BTBD9: variants seen among roughly 807,000 people sequenced by gnomAD.
BTBD9 encodes the protein BTB/POZ domain-containing protein 9.
In BTBD9, 49 loss-of-function variants were observed where a neutral mutation model predicts 64.3. That is an observed-to-expected ratio of 0.76 (90% CI 0.61 to 0.97). The LOEUF (loss-of-function observed/expected upper bound fraction) is 0.97, where lower values mean the gene tolerates loss of function less well. Ranked by LOEUF, BTBD9 falls within the 50% of genes least tolerant of loss-of-function variation. The pLI, the probability that BTBD9 is intolerant of heterozygous loss-of-function variation, is 0.00. For synonymous variants in BTBD9, 260 were observed against 274.7 expected, an observed-to-expected ratio of 0.95 and a Z score of 0.53; for missense variants, 598 against 762.1, an observed-to-expected ratio of 0.78 and a Z score of 2.53.
intron 6 of BTBD9, among the ~76,000 whole-genome samples, chr6:38,443,488 T>A (rs888728047): frequency 6.6e-6 from 1 of 152,188 alleles, no homozygotes; most frequent in Non-Finnish European, 1.5e-5. Flanking sequence ...TATTTCCCAA[T>A]TTCCCACTAT....
At chr6:38,402,886 AG>A in intron 6 of BTBD9, 1 of 698,402 alleles carries the variant, frequency 1.4e-6, no homozygotes. Flanking sequence ...TGGGCACCAT[AG>A]TGAGACTCCA....
chr6:38,519,919 A>G (rs1023006634), intron 6 of BTBD9, among the ~76,000 whole-genome samples: 26 of 152,230 alleles, frequency 1.7e-4, no homozygotes, highest in African/African-American at 6.3e-4. Context: ...TTGCAGACAA[A>G]GAAAGATAAC....
Position 38,238,470 on chromosome 6 carries a change from G to GTTTTTTTTTT in BTBD9, c.1562+17938_1562+17939insAAAAAAAAAA, listed in dbSNP as rs34641170. 5.5e-5 allele frequency among the ~76,000 whole-genome samples: 7 copies of GTTTTTTTTTT among 127,988 alleles called. 2 individuals are homozygous for GTTTTTTTTTT. The highest frequency in any genetic ancestry group is 1.2e-4 in the African/African-American group (4 of 32,378). 84.0% of individuals were successfully genotyped at this position (127,988 alleles called of 152,430 possible). A position where few individuals can be genotyped will look rare whatever the true frequency, so the allele number is the denominator to read the frequency against. On this transcript the variant is annotated intron_variant, in intron 9 of 10. Transcript: ENST00000481247. ...ACAGTAAGCTGTTGCGGAGACCAAGGTTTTTTGTTTTTTTTTTTTTGAGAC... is the reference window on the plus strand; with the variant it reads ...ACAGTAAGCTGTTGCGGAGACCAAGGTTTTTTTTTTTTTTTTGTTTTTTTTTTTTTGAGAC...
intron 9 of BTBD9, among the ~76,000 whole-genome samples, 166 bp downstream of exon 9, chr6:38,256,243 A>G (rs546074673): frequency 1.9e-4 from 29 of 152,342 alleles, no homozygotes; most frequent in African/African-American, 6.5e-4. Context: ...TAAATTTCAT[A>G]TAAGTATTTA....
intron 7 of BTBD9, among the ~76,000 whole-genome samples, chr6:38,300,775 T>C (rs1209463115): frequency 5.9e-5 from 9 of 152,174 alleles, no homozygotes; most frequent in Non-Finnish European, 1.3e-4. Flanking sequence ...ACAATGGGGT[T>C]TTCTAGATAT....
intron 6 of BTBD9, among the ~76,000 whole-genome samples, chr6:38,522,609 T>C (rs1773320794): frequency 6.6e-6 from 1 of 152,194 alleles, no homozygotes; most frequent in African/African-American, 2.4e-5. Flanking sequence ...ATTGCCTCTC[T>C]TGGAGATCTT....
At chr6:38,252,572 T>C (rs972161981) in intron 9 of BTBD9, among the ~76,000 whole-genome samples, 2 of 152,214 alleles carry the variant, frequency 1.3e-5, no homozygotes, top group Non-Finnish European at 2.9e-5. Context: ...ATTTATTAAT[T>C]TGTAAAACAA....
rs556549372 is a variant in BTBD9, at chr6:38,369,971, T to C, written c.1155-24878A>G. On this transcript the variant is annotated intron_variant, in intron 6 of 10. Transcript: ENST00000481247. Reference sequence around the variant, plus strand: ...TGACAGAGAGGAGACTACACAGGCCTGGAAGGACAACAAAAATAACATCAG... The same window carrying C: ...TGACAGAGAGGAGACTACACAGGCCCGGAAGGACAACAAAAATAACATCAG... Among the ~76,000 whole-genome samples, 9 of 152,354 alleles carry C rather than the reference T, an allele frequency of 5.9e-5. No homozygotes were observed. The South Asian group carries it at 1.9e-3, about 32-fold the overall frequency.
At chr6:38,389,839 C>G (rs1279603989) in intron 6 of BTBD9, among the ~76,000 whole-genome samples, 1 of 152,176 alleles carries the variant, frequency 6.6e-6, no homozygotes, top group Non-Finnish European at 1.5e-5. Flanking sequence ...CTTCTGGTGT[C>G]TTAAGCTTTA....
At chr6:38,530,735 A>G (rs1355178493) in intron 6 of BTBD9, among the ~76,000 whole-genome samples, 2 of 151,836 alleles carry the variant, frequency 1.3e-5, no homozygotes, top group Non-Finnish European at 2.9e-5. Flanking sequence ...GAAATCCAAG[A>G]TAAAACAGAA....
chr6:38,190,640 C>T (rs1349655846), intron 10 of BTBD9, among the ~76,000 whole-genome samples: 1 of 152,128 alleles, frequency 6.6e-6, no homozygotes, highest in Non-Finnish European at 1.5e-5. Flanking sequence ...TTTAAAATGG[C>T]TGGTCCAATC....
At chr6:38,486,069 C>T (rs1771392165) in intron 6 of BTBD9, among the ~76,000 whole-genome samples, 1 of 152,172 alleles carries the variant, frequency 6.6e-6, no homozygotes, top group African/African-American at 2.4e-5. Context: ...TATGAATCAA[C>T]CTCTGCTAGC....
intron 7 of BTBD9, among the ~76,000 whole-genome samples, chr6:38,330,319 C>T (rs1763624936): frequency 6.6e-6 from 1 of 152,206 alleles, no homozygotes; most frequent in Non-Finnish European, 1.5e-5. Context: ...TCCCAAAGTG[C>T]TGTGATTACA....
chr6:38,307,433 C>T (rs545307757), intron 7 of BTBD9, among the ~76,000 whole-genome samples: 1 of 152,310 alleles, frequency 6.6e-6, no homozygotes, highest in African/African-American at 2.4e-5. Flanking sequence ...ATATAGCATA[C>T]AATTTTTAAG....
chr6:38,559,688 T>C, intron 6 of BTBD9, among the ~76,000 whole-genome samples: 1 of 151,920 alleles, frequency 6.6e-6, no homozygotes. Context: ...CACTATAAGG[T>C]TACAGTAATG....
chr6:38,443,587 C>T (rs1194015404), intron 6 of BTBD9, among the ~76,000 whole-genome samples: 2 of 152,202 alleles, frequency 1.3e-5, no homozygotes, highest in Non-Finnish European at 2.9e-5. Context: ...AAGCAGGCAG[C>T]TGCTCAAGCC....
chr6:38,295,896 A>C (rs1762140506), intron 7 of BTBD9, among the ~76,000 whole-genome samples: 1 of 152,094 alleles, frequency 6.6e-6, no homozygotes, highest in Non-Finnish European at 1.5e-5. Context: ...TAAAAATACA[A>C]AAATTAGCTG....
chr6:38,558,745 A>T (rs1191737896), intron 6 of BTBD9, among the ~76,000 whole-genome samples: 1 of 152,216 alleles, frequency 6.6e-6, no homozygotes, highest in East Asian at 1.9e-4. Flanking sequence ...CTGCTTCATC[A>T]TGGGGAATTA....
intron 6 of BTBD9, among the ~76,000 whole-genome samples, chr6:38,410,037 T>C (rs1002755470): frequency 6.6e-6 from 1 of 152,016 alleles, no homozygotes; most frequent in Non-Finnish European, 1.5e-5. Flanking sequence ...CATCAATGAG[T>C]TTTTATTTTA....
Sources: allele counts gnomAD v4.1 joint callset (sites outside exome capture counted in the v4.1 genomes callset), GRCh38; gene constraint gnomAD v4.1.1; transcripts MANE v1.5; gene names NCBI Gene and HGNC (gene_info 2026-07-23, HGNC 2026-07-21).